ICA1L: variants seen among roughly 807,000 people sequenced by gnomAD.
ICA1L encodes the protein islet cell autoantigen 1-like protein.
A neutral mutation model predicts 61.3 loss-of-function variants in ICA1L; 50 were observed. The ratio of observed to expected loss-of-function variants is 0.82; its 90% CI spans 0.65 to 1.03. The LOEUF is 1.03. Ranked by LOEUF, ICA1L falls within the 50% of genes least tolerant of loss-of-function variation. The pLI, the probability that ICA1L is intolerant of heterozygous loss-of-function variation, is 0.00. For missense variants in ICA1L, 508 were observed against 556.7 expected, an observed-to-expected ratio of 0.91 and a Z score of 0.88; for synonymous variants, 161 against 191.3, an observed-to-expected ratio of 0.84 and a Z score of 1.31.
intron 1 of ICA1L, among the ~76,000 whole-genome samples, chr2:202,861,112 C>T (rs145643482): frequency 0.089 from 13,480 of 151,644 alleles, 738 homozygotes; most frequent in Non-Finnish European, 0.13. Flanking sequence ...TGCCTGTAAT[C>T]CCAGCTACTT....
intron 3 of ICA1L, 79 bp from the exon 4 acceptor site, chr2:202,821,560 A>G: frequency 1.9e-6 from 2 of 1,051,288 alleles, no homozygotes; most frequent in Non-Finnish European, 2.7e-6. Flanking sequence ...AAAATCTCAC[A>G]GCAATAACTC....
chr2:202,856,527 C>G (rs1694775330), intron 1 of ICA1L, among the ~76,000 whole-genome samples: 1 of 152,180 alleles, frequency 6.6e-6, no homozygotes, highest in Admixed American at 6.5e-5. Flanking sequence ...CAATATCATA[C>G]TAAATGGGCA....
Position 202,814,738 on chromosome 2 carries a change from T to C in ICA1L, c.830A>G (p.Glu277Gly). The C allele has an allele frequency of 6.2e-7, 1 of 1,613,920 alleles. No individual in the cohort carries two copies. The highest frequency in any genetic ancestry group is 8.5e-7 in the Non-Finnish European group (1 of 1,179,882). Reference sequence around the variant, plus strand: ...TTCAGTAAGAAAACCGCCTATTTGTTCATCTTTATTGTCTTCACTAATCTT... The same window carrying C: ...TTCAGTAAGAAAACCGCCTATTTGTCCATCTTTATTGTCTTCACTAATCTT... ...PSKISEDNKD[E>G]QIGGFLTEQL... The change falls in exon 8 of 13, where the codon GAA becomes GGA. Residue 277 changes from glutamate (E) to glycine (G), a missense_variant. By Grantham distance (98) the Glu-to-Gly change is moderately conservative. Coordinates refer to ENST00000358299, the MANE Select transcript of ICA1L (RefSeq NM_001288622.3).
intron 1 of ICA1L, among the ~76,000 whole-genome samples, chr2:202,866,131 GT>G (rs1404165340): frequency 6.6e-6 from 1 of 151,966 alleles, no homozygotes; most frequent in Non-Finnish European, 1.5e-5. Context: ...TAGTTTGGAT[GT>G]TTGTCCCCTC....
chr2:202,820,059 T>A, intron 4 of ICA1L, 160 bp from the exon 5 acceptor site: 1 of 616,870 alleles, frequency 1.6e-6, no homozygotes, highest in Non-Finnish European at 2.8e-6. Context: ...AAGGATCATA[T>A]AGCCAACTCT....
chr2:202,856,650 G>T (rs1169943681), intron 1 of ICA1L, among the ~76,000 whole-genome samples: 3 of 152,134 alleles, frequency 2.0e-5, no homozygotes, highest in Non-Finnish European at 2.9e-5. Flanking sequence ...GCAAGAGAAA[G>T]AAATAAAGGG....
At chr2:202,868,117 A>G (rs1254656952) in intron 1 of ICA1L, among the ~76,000 whole-genome samples, 1 of 152,156 alleles carries the variant, frequency 6.6e-6, no homozygotes, top group African/African-American at 2.4e-5. Flanking sequence ...AACAATAAAT[A>G]TCACTGAATT....
intron 1 of ICA1L, among the ~76,000 whole-genome samples, chr2:202,867,082 T>C (rs759585484): frequency 1.4e-4 from 22 of 152,192 alleles, no homozygotes; most frequent in Admixed American, 2.6e-4. Flanking sequence ...TTAAAATTGC[T>C]ATTTGAAAAA....
chr2:202,868,830 T>C (rs995849333), intron 1 of ICA1L, among the ~76,000 whole-genome samples: 1 of 151,826 alleles, frequency 6.6e-6, no homozygotes, highest in African/African-American at 2.4e-5. Context: ...TAGCTGGGCG[T>C]GATGGCATGT....
In ICA1L at chr2:202,828,716, T is replaced by C; in HGVS notation, c.162+132A>G. On this transcript the variant is annotated intron_variant, in intron 2 of 12. Coordinates refer to ENST00000358299, the MANE Select transcript of ICA1L (RefSeq NM_001288622.3). ...TTCAGAGCTCTGATTGACAGATGGA[T>C]ACAACTAAACATTCTATTATCAAAT... is the stretch of plus-strand genomic sequence containing the variant. 1.0e-5 allele frequency: 8 copies of C among 766,160 alleles called. No homozygotes were observed. In the South Asian group the frequency reaches 1.5e-4, roughly 14 times the overall value. The allele number at this position is 766,160 out of a possible 1,614,324, so 47.5% of individuals were successfully genotyped here.
intron 1 of ICA1L, among the ~76,000 whole-genome samples, chr2:202,834,974 G>C (rs1244608219): frequency 6.6e-6 from 1 of 151,754 alleles, no homozygotes. Context: ...GGGACCACAG[G>C]CAACACACCA....
intron 10 of ICA1L, among the ~76,000 whole-genome samples, chr2:202,794,351 A>G (rs1692851139): frequency 1.3e-5 from 2 of 151,544 alleles, no homozygotes; most frequent in African/African-American, 4.8e-5. Context: ...ATCTCAAAAA[A>G]AAAAAAAAAA....
chr2:202,870,521 C>G (rs760166872), intron 1 of ICA1L: 4 of 152,160 alleles, frequency 2.6e-5, no homozygotes, highest in African/African-American at 4.8e-5. Flanking sequence ...CATAAAAATA[C>G]ATACATACCA....
At chr2:202,822,511 A>G (rs1693728681) in intron 3 of ICA1L, among the ~76,000 whole-genome samples, 1 of 152,180 alleles carries the variant, frequency 6.6e-6, no homozygotes, top group Non-Finnish European at 1.5e-5. Flanking sequence ...TCAGTTTACA[A>G]CAGATTGAAA....
chr2:202,777,894 T>TG lies in ICA1L; in HGVS notation c.*1638_*1639insC, dbSNP rs1443705867. The TG allele has an allele frequency of 6.7e-6, 1 of 150,088 alleles. No homozygotes were observed. The highest frequency in any genetic ancestry group is 1.9e-4 in the East Asian group (1 of 5,180). The allele number at this position is 150,088 out of a possible 1,614,324, so 9.3% of individuals were successfully genotyped here. A position where few individuals can be genotyped will look rare whatever the true frequency, so the allele number is the denominator to read the frequency against. ...AAAATGTCTTTTTTTTTTTTTTTTTTTTTTGAGACGGAGTCTTGCTCTGTT... is the reference window on the plus strand; with the variant it reads ...AAAATGTCTTTTTTTTTTTTTTTTTTGTTTTGAGACGGAGTCTTGCTCTGTT... On this transcript the variant is annotated 3_prime_UTR_variant, in exon 13 of 13. Coordinates refer to ENST00000358299, the MANE Select transcript of ICA1L (RefSeq NM_001288622.3).
chr2:202,826,714 C>T (rs1205483654), intron 2 of ICA1L, among the ~76,000 whole-genome samples: 1 of 149,972 alleles, frequency 6.7e-6, no homozygotes, highest in Non-Finnish European at 1.5e-5. Context: ...TTGTGATCCA[C>T]CTGCCTCAGC....
intron 9 of ICA1L, among the ~76,000 whole-genome samples, chr2:202,810,980 C>T (rs996830222): frequency 6.6e-6 from 1 of 152,214 alleles, no homozygotes; most frequent in East Asian, 1.9e-4. Context: ...ATGACAATGC[C>T]TGCCCGAAAC....
At chr2:202,813,634 A>G (rs1693443602) in intron 8 of ICA1L, among the ~76,000 whole-genome samples, 2 of 152,182 alleles carry the variant, frequency 1.3e-5, no homozygotes, top group African/African-American at 4.8e-5. Flanking sequence ...CTTTATAACA[A>G]ACCACTCTCT....
chr2:202,793,373 G>A (rs1692814201), intron 10 of ICA1L, among the ~76,000 whole-genome samples: 1 of 151,274 alleles, frequency 6.6e-6, no homozygotes, highest in Non-Finnish European at 1.5e-5. Context: ...ATGAATAAGA[G>A]GCCGGGCACA....
Sources: allele counts gnomAD v4.1 joint callset (sites outside exome capture counted in the v4.1 genomes callset), GRCh38; gene constraint gnomAD v4.1.1; transcripts MANE v1.5; gene names NCBI Gene and HGNC (gene_info 2026-07-23, HGNC 2026-07-21).